SETD2: variants seen among roughly 807,000 people sequenced by gnomAD.
The protein encoded by SETD2 is SET domain containing 2, histone lysine methyltransferase.
Under a neutral mutation model 242.1 loss-of-function variants are expected in SETD2, and 31 were observed. The ratio of observed to expected loss-of-function variants is 0.13; its 90% CI spans 0.10 to 0.17. The LOEUF (loss-of-function observed/expected upper bound fraction) is 0.17, where lower values mean the gene tolerates loss of function less well. Ranked by LOEUF, SETD2 falls within the 10% of genes least tolerant of loss-of-function variation. The probability of loss-of-function intolerance (pLI) is 1.00; values close to 1 mark genes in which losing one functional copy is unlikely to be tolerated. For synonymous variants in SETD2, 1,006 were observed against 1,066.5 expected, an observed-to-expected ratio of 0.94 and a Z score of 1.11; for missense variants, 2,481 against 3,046.3, an observed-to-expected ratio of 0.81 and a Z score of 4.37.
At chr3:47,028,793 A>AT (rs1212068732) in intron 18 of SETD2, 3 of 152,736 alleles carry the variant, frequency 2.0e-5, no homozygotes, top group African/African-American at 7.2e-5. Flanking sequence ...AGGTGGCATC[A>AT]TGTTCCTGAC....
Position 47,122,358 on chromosome 3 carries a change from G to T in SETD2, c.2278C>A (p.Leu760Ile), listed in dbSNP as rs1311443196. 8 of 1,614,140 alleles carry T rather than the reference G, an allele frequency of 5.0e-6. No homozygotes were observed. Among genetic ancestry groups the T allele is most frequent in the Non-Finnish European group, 6.8e-6 (8 of 1,179,982 alleles). The change falls in exon 3 of 21, where the codon CTC (leucine) becomes ATC (isoleucine). Residue 760 changes from leucine (L) to isoleucine (I), a missense_variant. Physicochemically the swap from Leu to Ile is conservative, Grantham distance 5. Transcript: ENST00000409792. The part of the protein sequence containing the change: ...EPLVSPHQDK[L>I]MSMPVMTVDY... ...ACAGTCATAACTGGCATAGACATGA[G>T]TTTATCTTGGTGTGGTGACACCAGA... is the stretch of plus-strand genomic sequence containing the variant.
rs767964434 is a variant in SETD2 at position 47,086,216 on chromosome 3, A to G, written c.5376T>C (p.Ser1792=). ...WMAELGDGRE[S]NQKLQEEIIK... is the part of the protein sequence containing the mutation. ...TGACCTCTTCCTGAAGCTTCTGGTT[A>G]CTTTCCCGGCCGTCACCTAGCTCTG... The change falls in exon 11 of 21, where the codon AGT becomes AGC. Residue 1792 remains serine, a synonymous_variant. Transcript: ENST00000409792. 7.4e-6 allele frequency: 12 copies of G among 1,613,160 alleles called. No individual in the cohort carries two copies. The highest frequency in any genetic ancestry group is 1.1e-5 in the South Asian group (1 of 91,076).
At chr3:47,149,373 A>G (rs2043932440) in intron 1 of SETD2, among the ~76,000 whole-genome samples, 1 of 152,094 alleles carries the variant, frequency 6.6e-6, no homozygotes, top group Admixed American at 6.6e-5. Flanking sequence ...GGCAAGTCAC[A>G]ATGAGCAAGC....
At chr3:47,086,741 T>A (rs1450287203) in intron 10 of SETD2, among the ~76,000 whole-genome samples, 1 of 151,762 alleles carries the variant, frequency 6.6e-6, no homozygotes, top group Non-Finnish European at 1.5e-5. Flanking sequence ...TTTTTTTTAA[T>A]CATCATGGTT....
At chr3:47,083,059 A>G (rs1297960006) in intron 12 of SETD2, among the ~76,000 whole-genome samples, 1 of 152,172 alleles carries the variant, frequency 6.6e-6, no homozygotes, top group African/African-American at 2.4e-5. Context: ...TTATCCTGTT[A>G]TTCATTCTTG....
At chr3:47,106,296 T>C (rs1198718922) in intron 5 of SETD2, among the ~76,000 whole-genome samples, 176 bp from the exon 6 acceptor site, 5 of 152,048 alleles carry the variant, frequency 3.3e-5, no homozygotes, top group Admixed American at 1.3e-4. Context: ...AAGGTTACTT[T>C]TCTCCTTCAC....
chr3:47,050,002 T>A (rs1450374328), intron 15 of SETD2, among the ~76,000 whole-genome samples: 1 of 147,530 alleles, frequency 6.8e-6, no homozygotes, highest in Non-Finnish European at 1.5e-5. Flanking sequence ...TTTATGTTTC[T>A]TATATATATA....
At chr3:47,085,512 T>C (rs1008022860) in intron 11 of SETD2, among the ~76,000 whole-genome samples, 5 of 152,214 alleles carry the variant, frequency 3.3e-5, no homozygotes, top group African/African-American at 9.6e-5. Flanking sequence ...TATTCCTCAA[T>C]GTAGTTCCAC....
At chr3:47,158,293 A>G (rs1368266071) in intron 1 of SETD2, among the ~76,000 whole-genome samples, 2 of 152,214 alleles carry the variant, frequency 1.3e-5, no homozygotes, top group African/African-American at 4.8e-5. Flanking sequence ...AAGATTCTAT[A>G]AAAACCACAA....
At position 47,144,096 on chromosome 3, in the gene SETD2, G is replaced by A. The variant is rs1446831199; in HGVS notation, c.72-17433C>T. Among the ~76,000 whole-genome samples, 3 of 152,176 alleles carry A rather than the reference G, an allele frequency of 2.0e-5. No individual in the cohort carries two copies. The East Asian group carries it at 5.8e-4, about 29-fold the overall frequency. ...CCACTTAATCAGAGACAAAACTTAA[G>A]TGCTATAAACAGCTCACTTGAGGAG... On this transcript the variant is annotated intron_variant, in intron 1 of 20. Coordinates refer to ENST00000409792, the MANE Select transcript of SETD2 (RefSeq NM_014159.7).
chr3:47,101,689 CA>C, intron 7 of SETD2, 134 bp from the exon 8 acceptor site: 1 of 511,710 alleles, frequency 2.0e-6, no homozygotes, highest in Admixed American at 3.5e-5. Context: ...GGTCTTTAGG[CA>C]ATGAAGGTTT....
intron 12 of SETD2, among the ~76,000 whole-genome samples, chr3:47,075,692 G>A (rs2041043146): frequency 6.6e-6 from 1 of 152,042 alleles, no homozygotes; most frequent in Non-Finnish European, 1.5e-5. Flanking sequence ...GTGGAAGAAG[G>A]CAGTATTTAA....
chr3:47,119,593 T>G, intron 3 of SETD2: 1 of 269,194 alleles, frequency 3.7e-6, no homozygotes, highest in Non-Finnish European at 7.3e-6. Context: ...TTTTCACTTT[T>G]GCTTCTTCCT....
At chr3:47,046,853 T>G (rs1012921945) in intron 15 of SETD2, 2 of 294,930 alleles carry the variant, frequency 6.8e-6, no homozygotes, top group Non-Finnish European at 1.2e-5. Flanking sequence ...CATAAGAAAA[T>G]AAAAGCTTTT....
intron 18 of SETD2, among the ~76,000 whole-genome samples, chr3:47,030,430 G>A (rs2038711815): frequency 6.6e-6 from 1 of 152,096 alleles, no homozygotes; most frequent in African/African-American, 2.4e-5. Flanking sequence ...ACAGAGATGT[G>A]GTGCTCTGTG....
chr3:47,042,939 T>A (rs762301328), intron 16 of SETD2, among the ~76,000 whole-genome samples: 1 of 151,444 alleles, frequency 6.6e-6, no homozygotes, highest in Admixed American at 6.6e-5. Context: ...GTTTATCATA[T>A]AGAGCAGCAT....
rs761234986 is a variant in SETD2 at position 47,122,721 on chromosome 3, C to T, written c.1915G>A (p.Glu639Lys). ...KLDELPIFKS[E>K]FITHDSHDSI... ...TCATGGCTATCATGTGTTATAAATT[C>T]GGACTTAAAAATAGGCAATTCATCT... Residue 639 changes from glutamate (E) to lysine (K), a missense_variant, in exon 3 of 21, where the codon GAA (glutamate) becomes AAA (lysine). Glu to Lys is a moderately conservative substitution (Grantham distance 56). Around this residue, in one of 17 missense-constraint regions of SETD2, gnomAD observed 1,300 missense variants for 1,259.2 expected, o/e 1.03. Transcript: ENST00000409792. 9 of 1,610,946 alleles carry T rather than the reference C, an allele frequency of 5.6e-6. No homozygotes were observed. Among genetic ancestry groups the T allele is most frequent in the Middle Eastern group, 1.6e-4 (1 of 6,070 alleles).
intron 1 of SETD2, among the ~76,000 whole-genome samples, chr3:47,162,710 G>GT (rs1055357937): frequency 2.0e-5 from 3 of 152,170 alleles, no homozygotes; most frequent in African/African-American, 7.2e-5. Flanking sequence ...GGTCATAAAA[G>GT]TTTGACAGTT....
chr3:47,068,482 A>AAATAC (rs1373264383), intron 12 of SETD2, among the ~76,000 whole-genome samples: 1 of 148,052 alleles, frequency 6.8e-6, no homozygotes, highest in Admixed American at 6.9e-5. Context: ...TGAACATTTC[A>AAATAC]AATACACTAT....
Sources: gnomAD v4.1 joint callset for allele counts (sites outside exome capture counted in the v4.1 genomes callset) on GRCh38, gnomAD v4.1.1 for gene constraint, gnomAD v4.1.1 regional missense constraint, MANE v1.5 for transcripts, NCBI Gene and HGNC (gene_info 2026-07-23, HGNC 2026-07-21) for gene names.